Variants in REDIC1 observed in about 807,000 individuals in gnomAD.
REDIC1 encodes the protein regulator of DNA class I crossover intermediates 1, also known as HEI10 Interacting Protein 1.
the REDIC1 span, among the ~76,000 whole-genome samples, chr12:39,693,462 T>TA: frequency 5.9e-5 from 9 of 151,878 alleles, no homozygotes; most frequent in Non-Finnish European, 1.3e-4. Context: ...AGTCCATTTT[T>TA]AAAAAAATAA....
At chr12:39,639,747 TG>T in the REDIC1 span, among the ~76,000 whole-genome samples, 1 of 152,018 alleles carries the variant, frequency 6.6e-6, no homozygotes, top group African/African-American at 2.4e-5. Flanking sequence ...GTAAAGTGTC[TG>T]AAGTGTCTAG....
At chr12:39,750,026 C>G in the REDIC1 span, among the ~76,000 whole-genome samples, 1 of 152,334 alleles carries the variant, frequency 6.6e-6, no homozygotes, top group Admixed American at 6.5e-5. Flanking sequence ...GATGCCCTCT[C>G]TCACCACTCC....
the REDIC1 span, among the ~76,000 whole-genome samples, chr12:39,899,976 A>G: frequency 2.6e-5 from 4 of 151,986 alleles, no homozygotes; most frequent in African/African-American, 9.7e-5. Context: ...GCAGCACATC[A>G]AAAAGCTTAT....
the REDIC1 span, among the ~76,000 whole-genome samples, chr12:39,782,094 CA>C: frequency 6.6e-6 from 1 of 152,024 alleles, no homozygotes; most frequent in African/African-American, 2.4e-5. Context: ...GAAGTAAGAC[CA>C]AATCTTAGGA....
chr12:39,646,937 GCTAC>G, the REDIC1 span: 1 of 1,212,288 alleles, frequency 8.2e-7, no homozygotes, highest in Non-Finnish European at 1.2e-6. Flanking sequence ...ATTGTGATAT[GCTAC>G]CTAATGATCT....
chr12:39,782,348 C>T, the REDIC1 span, among the ~76,000 whole-genome samples: 4 of 151,966 alleles, frequency 2.6e-5, no homozygotes, highest in Admixed American at 6.6e-5. Flanking sequence ...TGGGGGCGGC[C>T]GGTCTTTTCT....
the REDIC1 span, among the ~76,000 whole-genome samples, chr12:39,892,660 T>C: frequency 2.0e-5 from 3 of 152,164 alleles, no homozygotes; most frequent in Non-Finnish European, 4.4e-5. Context: ...AAATAGCAAT[T>C]AATAAATATA....
chr12:39,710,841 A>G, the REDIC1 span, among the ~76,000 whole-genome samples: 1 of 151,426 alleles, frequency 6.6e-6, no homozygotes, highest in Non-Finnish European at 1.5e-5. Context: ...AATAACTATC[A>G]CAGTGCCTTA....
chr12:39,805,185 G>T, the REDIC1 span, among the ~76,000 whole-genome samples: 106 of 152,334 alleles, frequency 7.0e-4, no homozygotes, highest in Non-Finnish European at 1.2e-3. Flanking sequence ...GCCAGAATGT[G>T]TAGGACTCTG....
chr12:39,635,999 G>A, the REDIC1 span, among the ~76,000 whole-genome samples: 1 of 152,084 alleles, frequency 6.6e-6, no homozygotes, highest in African/African-American at 2.4e-5. Flanking sequence ...AATGTTTCAA[G>A]ACTATTTGTA....
At chr12:39,709,201 C>G in the REDIC1 span, among the ~76,000 whole-genome samples, 1 of 147,276 alleles carries the variant, frequency 6.8e-6, no homozygotes, top group African/African-American at 2.5e-5. Flanking sequence ...AAGTAAGATT[C>G]TGGATTTGGG....
the REDIC1 span, among the ~76,000 whole-genome samples, chr12:39,896,185 TG>T: frequency 1.3e-5 from 2 of 148,872 alleles, no homozygotes; most frequent in Non-Finnish European, 3.0e-5. Context: ...TATGTATATA[TG>T]TATATATGTG....
the REDIC1 span, among the ~76,000 whole-genome samples, chr12:39,662,933 G>A: frequency 2.0e-5 from 3 of 152,130 alleles, no homozygotes; most frequent in Admixed American, 2.0e-4. Flanking sequence ...CACATTGATT[G>A]ATTTGCATAT....
the REDIC1 span, among the ~76,000 whole-genome samples, chr12:39,711,501 GTATA>G: frequency 7.3e-6 from 1 of 137,786 alleles, no homozygotes; most frequent in African/African-American, 2.8e-5. Flanking sequence ...ATATAAGTAT[GTATA>G]TATGTGTATA....
the REDIC1 span, among the ~76,000 whole-genome samples, chr12:39,784,191 C>A: frequency 1.3e-5 from 2 of 152,124 alleles, no homozygotes; most frequent in Non-Finnish European, 2.9e-5. Flanking sequence ...ATCAAGCTAC[C>A]AATGACTTTC....
the REDIC1 span, among the ~76,000 whole-genome samples, chr12:39,682,259 G>T: frequency 2.0e-5 from 3 of 151,844 alleles, no homozygotes; most frequent in Non-Finnish European, 4.4e-5. Flanking sequence ...ATCTTTCTCT[G>T]GTTAAATGGA....
the REDIC1 span, among the ~76,000 whole-genome samples, chr12:39,830,845 T>G: frequency 6.6e-6 from 1 of 152,314 alleles, no homozygotes; most frequent in East Asian, 1.9e-4. Flanking sequence ...TTATTCTGAA[T>G]TTAAAAGAAG....
the REDIC1 span, among the ~76,000 whole-genome samples, chr12:39,656,493 A>G: frequency 6.6e-6 from 1 of 152,228 alleles, no homozygotes; most frequent in African/African-American, 2.4e-5. Context: ...ATAATAATTG[A>G]TAATGATAAT....
the REDIC1 span, chr12:39,684,308 T>G: frequency 1.1e-6 from 1 of 928,454 alleles, no homozygotes; most frequent in Non-Finnish European, 1.3e-6. Flanking sequence ...GTCCTAACTT[T>G]CTTGGTAATA....
Sources: allele counts gnomAD v4.1 joint callset (sites outside exome capture counted in the v4.1 genomes callset), GRCh38; gene constraint gnomAD v4.1.1; transcripts MANE v1.5; gene names NCBI Gene and HGNC (gene_info 2026-07-23, HGNC 2026-07-21).